The following ZNF738 variants were observed in gnomAD, a reference collection of about 807,000 sequenced individuals.
ZNF738 encodes zinc finger protein 738.
A neutral mutation model predicts 9.2 loss-of-function variants in ZNF738; 10 were observed. The ratio of observed to expected loss-of-function variants is 1.09; its 90% CI spans 0.67 to 1.85. ZNF738 has a LOEUF of 1.85. ZNF738 is among the 40% of genes most tolerant of loss of function. ZNF738 has a pLI of 0.00. For synonymous variants in ZNF738, 113 were observed against 94.5 expected (o/e 1.20, Z -1.14); for missense variants, 346 against 283.6 (o/e 1.22, Z -1.58).
chr19:21,361,351 G>T (rs530194810), intron 1 of ZNF738, among the ~76,000 whole-genome samples: 3 of 151,644 alleles, frequency 2.0e-5, no homozygotes, highest in East Asian at 1.9e-4. Context: ...TGTTGGTCAG[G>T]CTGGTCTCGA....
intron 1 of ZNF738, among the ~76,000 whole-genome samples, 184 bp downstream of exon 1, chr19:21,359,327 C>G (rs1973651097): frequency 6.6e-6 from 1 of 152,302 alleles, no homozygotes; most frequent in African/African-American, 2.4e-5. Context: ...GACAGCCCGG[C>G]CCCCGGGCGT....
At position 21,385,323 on chromosome 19, in the gene ZNF738, G is replaced by A. The variant is rs1019787973; in HGVS notation, c.*1649G>A. Among the ~76,000 whole-genome samples the A allele has an allele frequency of 6.6e-6, 1 of 152,256 alleles. No individual in the cohort carries two copies. Among genetic ancestry groups the A allele is most frequent in the South Asian group, 2.1e-4 (1 of 4,814 alleles). ...TATAAAAAATTAGCCAGGTGTAGTG[G>A]TGCACACCTGTAGTCCCAGCTACTC... On this transcript the variant is annotated 3_prime_UTR_variant, in exon 5 of 5. Coordinates refer to ENST00000683779, the MANE Select transcript of ZNF738 (RefSeq NM_001355237.2).
chr19:21,365,683 G>A (rs1339635199), intron 2 of ZNF738, among the ~76,000 whole-genome samples: 3 of 152,140 alleles, frequency 2.0e-5, no homozygotes, highest in Admixed American at 6.6e-5. Flanking sequence ...TAGGCTGGGC[G>A]TGGTAGCTCA....
At position 21,385,994 on chromosome 19, in the gene ZNF738, C is replaced by G. The variant is rs575075596; in HGVS notation, c.*2320C>G. 6.6e-6 allele frequency among the ~76,000 whole-genome samples: 1 copy of G among 152,138 alleles called. No individual in the cohort carries two copies. Among genetic ancestry groups the G allele is most frequent in the Non-Finnish European group, 1.5e-5 (1 of 68,040 alleles). ...AACCCTGATGACACATAAGGTAATT[C>G]GTGCTGGAGAGAAACCCTACAAATA... On this transcript the variant is annotated 3_prime_UTR_variant, in exon 5 of 5. Transcript: ENST00000683779.
intron 4 of ZNF738, among the ~76,000 whole-genome samples, chr19:21,380,922 G>A (rs1463144820): frequency 2.0e-5 from 3 of 152,122 alleles, no homozygotes; most frequent in Non-Finnish European, 2.9e-5. Context: ...CACTGTTCAG[G>A]AAATGGATAA....
chr19:21,374,817 C>T (rs183957986), intron 2 of ZNF738, among the ~76,000 whole-genome samples: 2 of 151,808 alleles, frequency 1.3e-5, no homozygotes, highest in African/African-American at 4.8e-5. Flanking sequence ...GACTTTATTT[C>T]ACATCTTCTG....
chr19:21,388,544 C>CT lies in ZNF738; in HGVS notation c.*4874dup, dbSNP rs1974094423. On this transcript the variant is annotated 3_prime_UTR_variant, in exon 5 of 5. Coordinates refer to ENST00000683779, the MANE Select transcript of ZNF738 (RefSeq NM_001355237.2). ...TTAGTATATTATTGTACTAATTGTA[C>CT]TTTTATATAATAAAATGCAGCACAT... Among the ~76,000 whole-genome samples the CT allele has an allele frequency of 6.6e-6, 1 of 151,958 alleles. No individual in the cohort carries two copies. Among genetic ancestry groups the CT allele is most frequent in the Non-Finnish European group, 1.5e-5 (1 of 67,966 alleles).
chr19:21,381,727 T>A, intron 4 of ZNF738: 1 of 302,206 alleles, frequency 3.3e-6, no homozygotes. Context: ...TCTCCTGACC[T>A]CGTGATCCAC....
intron 2 of ZNF738, among the ~76,000 whole-genome samples, chr19:21,369,505 G>A (rs1973828797): frequency 6.6e-6 from 1 of 152,134 alleles, no homozygotes; most frequent in South Asian, 2.1e-4. Context: ...GAACATGCAT[G>A]TTTTAAGTTT....
At position 21,370,982 on chromosome 19, in the gene ZNF738, T is replaced by A. The variant is rs376919357; in HGVS notation, c.97-4256T>A. On this transcript the variant is annotated intron_variant, in intron 2 of 4. Coordinates refer to ENST00000683779, the MANE Select transcript of ZNF738 (RefSeq NM_001355237.2). ...TTGAGAATGTGGCTCTTTAAGCTTTTCAATCTTGTTCAGTGACCTGCTACA... is the reference window on the plus strand; with the variant it reads ...TTGAGAATGTGGCTCTTTAAGCTTTACAATCTTGTTCAGTGACCTGCTACA... 3.0e-4 allele frequency among the ~76,000 whole-genome samples: 46 copies of A among 152,318 alleles called. No homozygotes were observed. In the South Asian group the frequency reaches 9.3e-3, roughly 31 times the overall value.
At chr19:21,377,034 G>T (rs140266271) in intron 4 of ZNF738, among the ~76,000 whole-genome samples, 1 of 151,226 alleles carries the variant, frequency 6.6e-6, no homozygotes, top group Non-Finnish European at 1.5e-5. Context: ...CAGGCTGGGC[G>T]CAGTGGCTCA....
chr19:21,376,293 C>T, intron 4 of ZNF738: 1 of 186,504 alleles, frequency 5.4e-6, no homozygotes, highest in Non-Finnish European at 1.1e-5. Context: ...TTTTGGGGGA[C>T]ACACAAATAT....
rs557561367 is a variant in ZNF738 at position 21,383,349 on chromosome 19, G to A, written c.803G>A (p.Gly268Asp). The part of the protein sequence containing the change: ...KSYKHEECGK[G>D]FNHSTTLTRH... Reference sequence around the variant, plus strand: ...TACAAACATGAAGAATGTGGAAAAGGTTTTAACCACTCCACAACTCTTACT... The same window carrying A: ...TACAAACATGAAGAATGTGGAAAAGATTTTAACCACTCCACAACTCTTACT... The change falls in exon 5 of 5, where the codon GGT (glycine) becomes GAT (aspartate). Residue 268 changes from glycine (G) to aspartate (D), a missense_variant. Physicochemically the swap from Gly to Asp is moderately conservative, Grantham distance 94. Coordinates refer to ENST00000683779, the MANE Select transcript of ZNF738 (RefSeq NM_001355237.2). The A allele has an allele frequency of 2.4e-6, 3 of 1,229,392 alleles. No individual in the cohort carries two copies. The highest frequency in any genetic ancestry group is 3.0e-5 in the African/African-American group (2 of 66,378). 76.2% of individuals were successfully genotyped at this position (1,229,392 alleles called of 1,614,324 possible).
At chr19:21,362,051 T>G (rs1307797204) in intron 2 of ZNF738, among the ~76,000 whole-genome samples, 193 bp downstream of exon 2, 1 of 151,448 alleles carries the variant, frequency 6.6e-6, no homozygotes, top group Non-Finnish European at 1.5e-5. Context: ...CATTGCACTC[T>G]AGCCTGGGCA....
In ZNF738 at chr19:21,387,671, T is replaced by C. The variant is rs1236374409; in HGVS notation, c.*3997T>C. ...CATCTTAACACCAGAGAGTTCATAC[T>C]TAATAAAAGCAAGATAAGGGCAATT... On this transcript the variant is annotated 3_prime_UTR_variant, in exon 5 of 5. Coordinates refer to ENST00000683779, the MANE Select transcript of ZNF738 (RefSeq NM_001355237.2). 6.6e-6 allele frequency among the ~76,000 whole-genome samples: 1 copy of C among 152,224 alleles called. No individual in the cohort carries two copies. Among genetic ancestry groups the C allele is most frequent in the Non-Finnish European group, 1.5e-5 (1 of 68,030 alleles).
At chr19:21,375,022 CAT>C (rs1312733516) in intron 2 of ZNF738, among the ~76,000 whole-genome samples, 1 of 152,062 alleles carries the variant, frequency 6.6e-6, no homozygotes, top group African/African-American at 2.4e-5. Flanking sequence ...ATAAAATTAT[CAT>C]ATATACAGCG....
chr19:21,366,638 GAAAT>G (rs1428099092), intron 2 of ZNF738, among the ~76,000 whole-genome samples: 3 of 152,154 alleles, frequency 2.0e-5, no homozygotes, highest in Non-Finnish European at 4.4e-5. Context: ...AGAAAGTAAA[GAAAT>G]AAAAGAAATG....
rs780080944 is a variant in ZNF738, at chr19:21,361,768, C to T, written c.6C>T (p.Asp2=). The change falls in exon 2 of 5, where the codon GAC becomes GAT. Residue 2 remains aspartate, a splice_region_variant and synonymous_variant. Transcript: ENST00000683779. The part of the protein sequence containing the change: M[D]DLRYGVYPVK... ...TTCTGGTTTATTTTCTCCCATAGGACGACCTGAGGTATGGAGTGTATCCTG... is the reference window on the plus strand; with the variant it reads ...TTCTGGTTTATTTTCTCCCATAGGATGACCTGAGGTATGGAGTGTATCCTG... The T allele has an allele frequency of 1.3e-6, 1 of 780,588 alleles. No individual in the cohort carries two copies. Among genetic ancestry groups the T allele is most frequent in the South Asian group, 1.3e-5 (1 of 74,600 alleles). 48.4% of individuals were successfully genotyped at this position (780,588 alleles called of 1,614,324 possible).
chr19:21,376,629 C>T (rs772728208), intron 4 of ZNF738, among the ~76,000 whole-genome samples: 3 of 152,042 alleles, frequency 2.0e-5, no homozygotes, highest in Non-Finnish European at 4.4e-5. Flanking sequence ...CTTGGCTCAT[C>T]GTAACCTCTG....
Sources: allele counts gnomAD v4.1 joint callset (sites outside exome capture counted in the v4.1 genomes callset), GRCh38; gene constraint gnomAD v4.1.1; transcripts MANE v1.5; gene names NCBI Gene and HGNC (gene_info 2026-07-23, HGNC 2026-07-21).